Variants in RAPGEF1 observed in about 807,000 individuals in gnomAD.
RAPGEF1 encodes the protein Rap guanine nucleotide exchange factor 1.
RAPGEF1 carries 33 observed loss-of-function variants against 143.3 expected under a neutral mutation model. The ratio of observed to expected loss-of-function variants is 0.23; its 90% confidence interval spans 0.17 to 0.31. The LOEUF (loss-of-function observed/expected upper bound fraction) is 0.31. Among genes scored for constraint, RAPGEF1 ranks in the 10% least tolerant of loss-of-function variants. The probability of loss-of-function intolerance (pLI) is 1.00; values close to 1 mark genes in which losing one functional copy is unlikely to be tolerated. For synonymous variants in RAPGEF1, 629 were observed against 676.5 expected (o/e 0.93, Z 1.09); for missense variants, 1,199 against 1,645.4 (o/e 0.73, Z 4.69).
intron 5 of RAPGEF1, among the ~76,000 whole-genome samples, chr9:131,633,258 A>C (rs1965432475): frequency 1.3e-5 from 2 of 152,252 alleles, no homozygotes; most frequent in Admixed American, 1.3e-4. Context: ...TGAAGAGAGC[A>C]GTTAGAAAAG....
rs1417507426 is a variant in RAPGEF1, at chr9:131,596,321, TG to T, written c.2665del (p.His889MetfsTer18). 6.2e-7 allele frequency: 1 copy of T among 1,613,984 alleles called. No individual in the cohort carries two copies. Among genetic ancestry groups the T allele is most frequent in the Non-Finnish European group, 8.5e-7 (1 of 1,179,874 alleles). Reference protein sequence around the residue: ...RGGSGDILLVHATETDRKDLV... With the variant: ...RGGSGDILLVXATETDRKDLV... ...ACCTTTCCTGTCAGTCTCAGTAGCA[TG>T]GACCAGTAAGATGTCCCCAGATCCT... On this transcript the variant is annotated frameshift_variant, in exon 17 of 27. Coordinates refer to ENST00000683357, the MANE Select transcript of RAPGEF1 (RefSeq NM_001377935.1). LOFTEE classifies it high-confidence loss of function.
At chr9:131,673,995 G>C (rs1831847708) in intron 1 of RAPGEF1, among the ~76,000 whole-genome samples, 2 of 152,194 alleles carry the variant, frequency 1.3e-5, no homozygotes, top group Admixed American at 1.3e-4. Context: ...TCCGTGGACT[G>C]AATCTATAAA....
At chr9:131,601,649 T>G (rs920530865) in intron 15 of RAPGEF1, among the ~76,000 whole-genome samples, 1 of 152,202 alleles carries the variant, frequency 6.6e-6, no homozygotes, top group African/African-American at 2.4e-5. Flanking sequence ...CTCATGCCTG[T>G]AAGCCCAGCA....
rs754097930 is a variant in RAPGEF1 at position 131,630,280 on chromosome 9, C to G, written c.696G>C (p.Pro232=). Reference sequence around the variant, plus strand: ...GGGAACTGGGCTTCACGGGGCTCGTCGGAGACGGACGTCCCTGCTTCTCGA... The same window carrying G: ...GGGAACTGGGCTTCACGGGGCTCGTGGGAGACGGACGTCCCTGCTTCTCGA... ...LTIEKQGRPS[P]TSPVKPSSPA... is the part of the protein sequence containing the mutation. Residue 232 remains proline (P), a synonymous_variant, in exon 6 of 27, where the codon CCG becomes CCC. Coordinates refer to ENST00000683357, the MANE Select transcript of RAPGEF1 (RefSeq NM_001377935.1). 1.9e-6 allele frequency: 3 copies of G among 1,613,738 alleles called. No homozygotes were observed. The highest frequency in any genetic ancestry group is 1.7e-6 in the Non-Finnish European group (2 of 1,179,836).
At position 131,598,243 on chromosome 9, in the gene RAPGEF1, T is replaced by C. The variant is rs375201366; in HGVS notation, c.2569A>G (p.Ile857Val). The C allele has an allele frequency of 3.1e-6, 5 of 1,613,882 alleles. No individual in the cohort carries two copies. In the African/African-American group the frequency reaches 5.3e-5, roughly 17 times the overall value. Reference protein sequence around the residue: ...SEEEVDELSLIDHNEIMSRLT... With the variant: ...SEEEVDELSLVDHNEIMSRLT... ...CTGGACATAATTTCGTTGTGGTCAATGAGGGACAGCTCGTCCACTTCCTCC... is the reference window on the plus strand; with the variant it reads ...CTGGACATAATTTCGTTGTGGTCAACGAGGGACAGCTCGTCCACTTCCTCC... The change falls in exon 16 of 27, where the codon ATT becomes GTT. Residue 857 changes from isoleucine to valine, a missense_variant. Transcript: ENST00000683357.
rs534795852 is a variant in RAPGEF1 at position 131,583,259 on chromosome 9, T to C, written c.3415-557A>G. ...CTCAGAAGGCCCCTCTCCTGCCTCT[T>C]CTCCTGTTACGTGCCTCTCCCTGAA... On this transcript the variant is annotated intron_variant, in intron 24 of 26. Coordinates refer to ENST00000683357, the MANE Select transcript of RAPGEF1 (RefSeq NM_001377935.1). The surrounding 1 kb of genome is among the most constrained non-coding windows in gnomAD (Gnocchi z 4.7). Among the ~76,000 whole-genome samples the C allele has an allele frequency of 1.3e-5, 2 of 152,054 alleles. No individual in the cohort carries two copies. The highest frequency in any genetic ancestry group is 2.9e-5 in the Non-Finnish European group (2 of 67,986).
intron 1 of RAPGEF1, among the ~76,000 whole-genome samples, chr9:131,680,684 T>C (rs528417432): frequency 9.2e-5 from 14 of 152,362 alleles, no homozygotes; most frequent in Non-Finnish European, 1.9e-4. Flanking sequence ...TACCTTTAGC[T>C]AATTTAGTAT....
intron 12 of RAPGEF1, among the ~76,000 whole-genome samples, chr9:131,607,995 C>T (rs1957382980): frequency 6.6e-6 from 1 of 152,212 alleles, no homozygotes; most frequent in Non-Finnish European, 1.5e-5. Context: ...CAGCATGGTG[C>T]CTCTTCCGGG....
At chr9:131,590,081 C>T (rs955594018) in intron 18 of RAPGEF1, 103 bp from the exon 19 acceptor site, 10 of 1,014,352 alleles carry the variant, frequency 9.9e-6, no homozygotes, top group East Asian at 2.4e-5. Context: ...ATGTGCCCAT[C>T]TTCCTGCATG....
Position 131,731,108 on chromosome 9 carries a change from T to C in RAPGEF1, c.61+8662A>G, listed in dbSNP as rs34181662. Among the ~76,000 whole-genome samples, 857 of 152,340 alleles carry C rather than the reference T, an allele frequency of 5.6e-3. 5 individuals carry two copies. The highest frequency in any genetic ancestry group is 9.6e-3 in the Non-Finnish European group (653 of 68,038). ...AACTCAGTATATGACTATGTGCAAA[T>C]GTTAACTCTTTCAGGTCTCAAAGAA... is the stretch of plus-strand genomic sequence containing the variant. On this transcript the variant is annotated intron_variant, in intron 1 of 26. Transcript: ENST00000683357.
intron 1 of RAPGEF1, among the ~76,000 whole-genome samples, chr9:131,715,330 G>A (rs892681378): frequency 1.3e-5 from 2 of 152,164 alleles, no homozygotes. Flanking sequence ...TCAGGGAAGG[G>A]TGAGACTTGA....
In RAPGEF1 at chr9:131,627,989, G is replaced by A; in HGVS notation, c.1125C>T (p.Ser375=). The change falls in exon 9 of 27, where the codon AGC becomes AGT. Residue 375 remains serine, a synonymous_variant. Transcript: ENST00000683357. Reference sequence around the variant, plus strand: ...GAGAGGACAGCTGCTCGTCTGACTTGCTGAGCTTGCCTATGCTGCTGCAGG... The same window carrying A: ...GAGAGGACAGCTGCTCGTCTGACTTACTGAGCTTGCCTATGCTGCTGCAGG... ...LSPCSSIGKL[S]KSDEQLSSLD... The A allele has an allele frequency of 6.3e-7, 1 of 1,593,826 alleles. No homozygotes were observed. The highest frequency in any genetic ancestry group is 2.3e-5 in the East Asian group (1 of 43,994).
chr9:131,699,401 T>G (rs1329080230), intron 1 of RAPGEF1, among the ~76,000 whole-genome samples: 1 of 152,116 alleles, frequency 6.6e-6, no homozygotes, highest in Non-Finnish European at 1.5e-5. Context: ...TGTGCCACCA[T>G]GCCTGGCTAA....
At chr9:131,691,726 A>G (rs1833793588) in intron 1 of RAPGEF1, among the ~76,000 whole-genome samples, 1 of 152,234 alleles carries the variant, frequency 6.6e-6, no homozygotes, top group Admixed American at 6.5e-5. Flanking sequence ...TCTAATAAAG[A>G]AACTGATGGG....
Position 131,626,129 on chromosome 9 carries a change from G to A in RAPGEF1, c.1495C>T (p.Pro499Ser), listed in dbSNP as rs773098573. 1.2e-6 allele frequency: 2 copies of A among 1,613,832 alleles called. No homozygotes were observed. Among genetic ancestry groups the A allele is most frequent in the African/African-American group, 2.7e-5 (2 of 74,916 alleles). The change falls in exon 10 of 27, where the codon CCC (proline) becomes TCC (serine). Residue 499 changes from proline to serine, a missense_variant. By Grantham distance (74) the Pro-to-Ser change is moderately conservative (BLOSUM62 -1). Transcript: ENST00000683357. Reference sequence around the variant, plus strand: ...CCAGAGATGTTGTCATACTGCGAGGGATGCCGCTCGTAGGACACCCTGCAG... The same window carrying A: ...CCAGAGATGTTGTCATACTGCGAGGAATGCCGCTCGTAGGACACCCTGCAG... ...SGCRVSYERH[P>S]SQYDNISGED...
rs1344114327 is a variant in RAPGEF1, at chr9:131,584,687, C to T, written c.3234-91G>A. ...GTGGAGACAGGACCTGTACGACCCC[C>T]ATGCCAGTGGCCACGAGCCCACCCC... On this transcript the variant is annotated intron_variant, in intron 22 of 26. Coordinates refer to ENST00000683357, the MANE Select transcript of RAPGEF1 (RefSeq NM_001377935.1). The surrounding 1 kb of genome is among the most constrained non-coding windows in gnomAD (Gnocchi z 6.8). The T allele has an allele frequency of 1.5e-6, 2 of 1,323,332 alleles. No individual in the cohort carries two copies. The highest frequency in any genetic ancestry group is 3.6e-5 in the Admixed American group (2 of 56,002). The allele number at this position is 1,323,332 out of a possible 1,614,324, so 82.0% of individuals were successfully genotyped here.
In RAPGEF1 at chr9:131,582,729, G is replaced by A. The variant is rs376692645; in HGVS notation, c.3415-27C>T. On this transcript the variant is annotated intron_variant, in intron 24 of 26. Transcript: ENST00000683357. ...TGGCAGGACAGGACAGGACAGGACC[G>A]GACAGGGGTGAGCGAGTGCTGGGGC... 4.0e-5 allele frequency: 62 copies of A among 1,539,280 alleles called. No homozygotes were observed. The East Asian group carries it at 1.4e-3, about 34-fold the overall frequency.
chr9:131,738,752 C>T (rs1192816827), intron 1 of RAPGEF1, among the ~76,000 whole-genome samples: 1 of 152,234 alleles, frequency 6.6e-6, no homozygotes, highest in African/African-American at 2.4e-5. Context: ...TTCTGTGCTT[C>T]AACCACAGCC....
At chr9:131,615,977 C>T (rs1358425904) in intron 12 of RAPGEF1, among the ~76,000 whole-genome samples, 1 of 152,088 alleles carries the variant, frequency 6.6e-6, no homozygotes, top group African/African-American at 2.4e-5. Context: ...GGATAAAAAC[C>T]ATGACGTGGC....
Sources: allele counts gnomAD v4.1 joint callset (sites outside exome capture counted in the v4.1 genomes callset), GRCh38; gene constraint gnomAD v4.1.1; non-coding constraint Gnocchi (gnomAD v3.1); transcripts MANE v1.5; gene names NCBI Gene and HGNC (gene_info 2026-07-23, HGNC 2026-07-21).